RABGAP1L: variants seen among roughly 807,000 people sequenced by gnomAD.
RABGAP1L encodes the protein rab GTPase-activating protein 1-like.
In RABGAP1L, 63 loss-of-function variants were observed where a neutral mutation model predicts 137.7. The ratio of observed to expected loss-of-function variants is 0.46; its 90% CI spans 0.37 to 0.56. The LOEUF is 0.56. RABGAP1L is among the 20% of genes least tolerant of loss of function. RABGAP1L has a pLI of 0.00. For missense variants in RABGAP1L, 1,095 were observed against 1,244.0 expected (o/e 0.88, Z 1.80); for synonymous variants, 431 against 433.7 (o/e 0.99, Z 0.08).
In RABGAP1L at chr1:174,250,660, C is replaced by T. The variant is rs368315253; in HGVS notation, c.875+28C>T. On this transcript the variant is annotated intron_variant, in intron 6 of 25. Transcript: ENST00000681986. Reference sequence around the variant, plus strand: ...GAGGCATTTGGAAAGATTAAAAATTCGCATTGTATCTGGAGTATAATATAG... The same window carrying T: ...GAGGCATTTGGAAAGATTAAAAATTTGCATTGTATCTGGAGTATAATATAG... 13 of 1,600,188 alleles carry T rather than the reference C, an allele frequency of 8.1e-6. No individual in the cohort carries two copies. The Admixed American group carries it at 1.0e-4, about 12-fold the overall frequency.
intron 13 of RABGAP1L, among the ~76,000 whole-genome samples, chr1:174,530,134 G>A (rs909041169): frequency 1.3e-5 from 2 of 150,368 alleles, no homozygotes; most frequent in African/African-American, 4.9e-5. Context: ...TGCCTTCAGT[G>A]GCAGGCAGCC....
intron 11 of RABGAP1L, among the ~76,000 whole-genome samples, chr1:174,308,841 G>A (rs1465352031): frequency 6.6e-6 from 1 of 151,856 alleles, no homozygotes; most frequent in Non-Finnish European, 1.5e-5. Flanking sequence ...GCTCAAGATT[G>A]CTTCACCTAT....
intron 3 of RABGAP1L, among the ~76,000 whole-genome samples, chr1:174,224,935 A>G (rs942220368): frequency 6.6e-6 from 1 of 151,400 alleles, no homozygotes; most frequent in Non-Finnish European, 1.5e-5. Flanking sequence ...CTTTGAGTTT[A>G]TCTTTTTTTT....
chr1:174,481,723 T>C (rs1256782100), intron 13 of RABGAP1L, among the ~76,000 whole-genome samples: 1 of 152,112 alleles, frequency 6.6e-6, no homozygotes, highest in Non-Finnish European at 1.5e-5. Flanking sequence ...ATATTTTTCT[T>C]AATATACTGT....
intron 21 of RABGAP1L, among the ~76,000 whole-genome samples, chr1:174,973,949 AC>A (rs1204101555): frequency 2.7e-5 from 4 of 149,384 alleles, no homozygotes; most frequent in Admixed American, 2.7e-4. Context: ...GTTTTTAAGA[AC>A]ACTGAAATGA....
rs369701587 is a variant in RABGAP1L, at chr1:174,878,521, G to A, written c.2340+66561G>A. On this transcript the variant is annotated intron_variant, in intron 19 of 25. Coordinates refer to ENST00000681986, the MANE Select transcript of RABGAP1L (RefSeq NM_001366446.1). ...ATTACAGGCATAAGCCACCACGCCC[G>A]GCCCCCAAAATCAACTTTTTAACTA... is the stretch of plus-strand genomic sequence containing the variant. Among the ~76,000 whole-genome samples, 127 of 152,158 alleles carry A rather than the reference G, an allele frequency of 8.3e-4. No homozygotes were observed. The East Asian group carries it at 8.5e-3, about 10-fold the overall frequency.
intron 19 of RABGAP1L, among the ~76,000 whole-genome samples, chr1:174,826,614 T>C (rs540322254): frequency 1.3e-5 from 2 of 152,214 alleles, no homozygotes; most frequent in Non-Finnish European, 2.9e-5. Context: ...AACATACAGG[T>C]ACATGTGTCT....
intron 19 of RABGAP1L, chr1:174,897,271 T>A (rs1657360208): frequency 6.6e-6 from 1 of 152,214 alleles, no homozygotes; most frequent in Admixed American, 6.5e-5. Context: ...TGCTTGTGAT[T>A]TTTGCATATT....
chr1:174,496,272 C>T (rs1005236472), intron 13 of RABGAP1L, among the ~76,000 whole-genome samples: 4 of 152,092 alleles, frequency 2.6e-5, no homozygotes, highest in African/African-American at 7.2e-5. Flanking sequence ...GAAGAAGAGC[C>T]GTAGGTCAGT....
intron 11 of RABGAP1L, among the ~76,000 whole-genome samples, chr1:174,324,620 T>C (rs1680282202): frequency 6.6e-6 from 1 of 152,192 alleles, no homozygotes; most frequent in Admixed American, 6.5e-5. Flanking sequence ...TGGCTGAAAT[T>C]ATCTTTGAGG....
intron 13 of RABGAP1L, among the ~76,000 whole-genome samples, chr1:174,486,239 T>TGC (rs1407473989): frequency 7.4e-6 from 1 of 134,656 alleles, no homozygotes; most frequent in African/African-American, 2.8e-5. Context: ...TTTTTTTTTT[T>TGC]GTCTGGCTAA....
At chr1:174,226,578 G>A (rs1344191998) in intron 3 of RABGAP1L, among the ~76,000 whole-genome samples, 1 of 152,134 alleles carries the variant, frequency 6.6e-6, no homozygotes, top group Non-Finnish European at 1.5e-5. Flanking sequence ...CAGCTGTTTT[G>A]AAGTTCTGCT....
intron 13 of RABGAP1L, among the ~76,000 whole-genome samples, chr1:174,615,407 A>G (rs1330449887): frequency 6.6e-6 from 1 of 152,164 alleles, no homozygotes; most frequent in Non-Finnish European, 1.5e-5. Flanking sequence ...GTGAACCACA[A>G]ATGCTGCTGT....
intron 17 of RABGAP1L, among the ~76,000 whole-genome samples, chr1:174,729,990 A>G (rs1002783948): frequency 8.5e-5 from 13 of 152,294 alleles, no homozygotes; most frequent in African/African-American, 2.9e-4. Flanking sequence ...AAAGAAAACA[A>G]ATAAAAAGAC....
intron 7 of RABGAP1L, among the ~76,000 whole-genome samples, chr1:174,261,630 G>T (rs146056514): frequency 1.1e-4 from 16 of 152,282 alleles, no homozygotes; most frequent in African/African-American, 3.9e-4. Context: ...CACTAAATTT[G>T]ATGGACAGTA....
In RABGAP1L at chr1:174,833,422, G is replaced by GTGTGTGTGTA. The variant is rs1390901365; in HGVS notation, c.2340+21463_2340+21464insGTGTGTGTAT. ...TGTGTATGTGTGTATGTGTGTGTGTGTATATATATATGTGTGTGTGTGTAG... is the reference window on the plus strand; with the variant it reads ...TGTGTATGTGTGTATGTGTGTGTGTGTGTGTGTGTATATATATATATGTGTGTGTGTGTAG... On this transcript the variant is annotated intron_variant, in intron 19 of 25. Transcript: ENST00000681986. 2.2e-3 allele frequency among the ~76,000 whole-genome samples: 181 copies of GTGTGTGTGTA among 81,486 alleles called. 7 individuals carry two copies. Among genetic ancestry groups the GTGTGTGTGTA allele is most frequent in the African/African-American group, 6.2e-3 (172 of 27,624 alleles). 53.5% of individuals were successfully genotyped at this position (81,486 alleles called of 152,430 possible). A position where few individuals can be genotyped will look rare whatever the true frequency, so the allele number is the denominator to read the frequency against.
chr1:174,362,314 G>A (rs1013293234), intron 11 of RABGAP1L, among the ~76,000 whole-genome samples: 4 of 152,174 alleles, frequency 2.6e-5, no homozygotes, highest in African/African-American at 9.7e-5. Flanking sequence ...GGATTGCTGG[G>A]TCAAATGGTA....
intron 18 of RABGAP1L, among the ~76,000 whole-genome samples, chr1:174,788,983 G>A (rs1476609187): frequency 6.6e-6 from 1 of 152,082 alleles, no homozygotes; most frequent in Non-Finnish European, 1.5e-5. Context: ...CAAAGTGCTG[G>A]GGGTTCAGGT....
chr1:174,249,995 A>G (rs1672591251), intron 5 of RABGAP1L, among the ~76,000 whole-genome samples: 1 of 152,068 alleles, frequency 6.6e-6, no homozygotes, highest in Non-Finnish European at 1.5e-5. Flanking sequence ...CAGCTCCTAA[A>G]TCATAGTTCT....
Sources: allele counts gnomAD v4.1 joint callset (sites outside exome capture counted in the v4.1 genomes callset), GRCh38; gene constraint gnomAD v4.1.1; transcripts MANE v1.5; gene names NCBI Gene and HGNC (gene_info 2026-07-23, HGNC 2026-07-21).